The following ABCA13 variants were observed in gnomAD, a reference collection of about 807,000 sequenced individuals.
The protein encoded by ABCA13 is ATP-binding cassette sub-family A member 13.
Under a neutral mutation model 478.7 loss-of-function variants are expected in ABCA13, and 476 were observed. The ratio of observed to expected loss-of-function variants is 0.99; its 90% CI spans 0.92 to 1.07. The LOEUF (loss-of-function observed/expected upper bound fraction) is 1.07, where lower values mean the gene tolerates loss of function less well. Among genes scored for constraint, ABCA13 ranks in the 50% least tolerant of loss-of-function variants. The pLI, the probability that ABCA13 is intolerant of heterozygous loss-of-function variation, is 0.00. For missense variants in ABCA13, 6,060 were observed against 5,910.6 expected, an observed-to-expected ratio of 1.03 and a Z score of -0.83; for synonymous variants, 2,252 against 2,158.9, an observed-to-expected ratio of 1.04 and a Z score of -1.20.
chr7:48,271,749 T>A (rs992676770), intron 16 of ABCA13, 38 bp from the exon 17 acceptor site: 7 of 1,172,360 alleles, frequency 6.0e-6, no homozygotes, highest in Non-Finnish European at 6.6e-6. Context: ...AAATTTATTT[T>A]TTTATTTTAT....
At chr7:48,504,575 G>C (rs1240758987) in intron 48 of ABCA13, among the ~76,000 whole-genome samples, 1 of 152,116 alleles carries the variant, frequency 6.6e-6, no homozygotes, top group African/African-American at 2.4e-5. Flanking sequence ...AACAATTTCA[G>C]TATTCTACTG....
chr7:48,220,935 T>C (rs1281531672), intron 4 of ABCA13, among the ~76,000 whole-genome samples: 1 of 152,154 alleles, frequency 6.6e-6, no homozygotes, highest in Non-Finnish European at 1.5e-5. Context: ...CATTTTTTTC[T>C]TTTTAAAAAA....
At chr7:48,319,871 C>T (rs76475588) in intron 27 of ABCA13, among the ~76,000 whole-genome samples, 6,566 of 152,140 alleles carry the variant, frequency 0.043, 401 homozygotes, top group African/African-American at 0.14. Flanking sequence ...ATCTGGGAGA[C>T]GGCTCTTCAT....
chr7:48,442,135 C>T (rs111354771), intron 42 of ABCA13, among the ~76,000 whole-genome samples: 61 of 152,190 alleles, frequency 4.0e-4, no homozygotes, highest in Non-Finnish European at 8.1e-4. Context: ...TGTCCCATCC[C>T]ACTGCCGAGC....
chr7:48,176,364 A>T (rs1794876278), intron 1 of ABCA13, among the ~76,000 whole-genome samples: 1 of 152,174 alleles, frequency 6.6e-6, no homozygotes, highest in Admixed American at 6.5e-5. Flanking sequence ...TTCTCTCCCA[A>T]CCATGGGCTG....
rs1038357239 is a variant in ABCA13, at chr7:48,283,230, T to C, written c.8836+1778T>C. On this transcript the variant is annotated intron_variant, in intron 19 of 61. Coordinates refer to ENST00000435803, the MANE Select transcript of ABCA13 (RefSeq NM_152701.5). ...TGGCTAATTGGTGGGTGTGGGCCACTGAGTCTGTGAGCCAGGAGTATGGAC... is the reference window on the plus strand; with the variant it reads ...TGGCTAATTGGTGGGTGTGGGCCACCGAGTCTGTGAGCCAGGAGTATGGAC... Among the ~76,000 whole-genome samples, 8 of 152,180 alleles carry C rather than the reference T, an allele frequency of 5.3e-5. 1 individual carries two copies. The highest frequency in any genetic ancestry group is 4.6e-4 in the Admixed American group (7 of 15,292).
Position 48,615,378 on chromosome 7 carries a change from G to T in ABCA13, c.14837+1G>T. 6.4e-7 allele frequency: 1 copy of T among 1,558,940 alleles called. No individual in the cohort carries two copies. The highest frequency in any genetic ancestry group is 1.4e-5 in the African/African-American group (1 of 73,762). ...GTTCTCCTCAGCACATCAAAAATAG[G>T]TGCGTTGAAGTTCTCCTTTTGCTTA... On this transcript the variant is annotated splice_donor_variant, in intron 59 of 61. Coordinates refer to ENST00000435803, the MANE Select transcript of ABCA13 (RefSeq NM_152701.5). LOFTEE classifies it high-confidence loss of function.
At chr7:48,468,785 G>T (rs1396081852) in intron 44 of ABCA13, among the ~76,000 whole-genome samples, 3 of 152,152 alleles carry the variant, frequency 2.0e-5, no homozygotes, top group Non-Finnish European at 4.4e-5. Context: ...GAGATACTCA[G>T]CTCTGAGTGT....
intron 55 of ABCA13, 90 bp from the exon 56 acceptor site, chr7:48,580,134 G>A (rs1788570166): frequency 7.6e-7 from 1 of 1,320,258 alleles, no homozygotes; most frequent in East Asian, 2.5e-5. Flanking sequence ...AAACTGCAGT[G>A]GACTTGTTAT....
intron 31 of ABCA13, 76 bp from the exon 32 acceptor site, chr7:48,367,718 C>A: frequency 1.7e-6 from 2 of 1,175,412 alleles, no homozygotes; most frequent in Non-Finnish European, 2.5e-6. Flanking sequence ...AGCTTTCTAA[C>A]TTGGAAGAAA....
chr7:48,525,189 G>A (rs559201123), intron 54 of ABCA13, among the ~76,000 whole-genome samples: 1 of 152,074 alleles, frequency 6.6e-6, no homozygotes, highest in South Asian at 2.1e-4. Context: ...AGTAATGCAG[G>A]CATATTCTTA....
rs79058426 is a variant in ABCA13, at chr7:48,641,715, C to T, written c.14838-1573C>T. Among the ~76,000 whole-genome samples the T allele has an allele frequency of 8.5e-5, 13 of 152,262 alleles. No homozygotes were observed. The East Asian group carries it at 2.5e-3, about 30-fold the overall frequency. ...CTGCCCTGGAACATAATGTTATGCC[C>T]AGACACAGCTGAGAGCTCTCCCAGG... is the stretch of plus-strand genomic sequence containing the variant. On this transcript the variant is annotated intron_variant, in intron 59 of 61. Transcript: ENST00000435803.
chr7:48,472,694 C>G (rs915219116), intron 45 of ABCA13, among the ~76,000 whole-genome samples: 5 of 152,088 alleles, frequency 3.3e-5, no homozygotes, highest in Admixed American at 3.3e-4. Context: ...AAAAAGCTAG[C>G]AGGGAAGGGT....
At chr7:48,312,379 G>A (rs1801906455) in intron 24 of ABCA13, among the ~76,000 whole-genome samples, 1 of 152,054 alleles carries the variant, frequency 6.6e-6, no homozygotes, top group South Asian at 2.1e-4. Flanking sequence ...GCTATTTTAT[G>A]CCCAGTAGCT....
chr7:48,299,304 T>C (rs1799824538), intron 23 of ABCA13, among the ~76,000 whole-genome samples: 1 of 152,174 alleles, frequency 6.6e-6, no homozygotes, highest in Admixed American at 6.5e-5. Context: ...CAATTCTGGT[T>C]AATTGGGGCT....
At chr7:48,486,478 AT>A (rs1415753592) in intron 47 of ABCA13, among the ~76,000 whole-genome samples, 5 of 151,926 alleles carry the variant, frequency 3.3e-5, no homozygotes, top group African/African-American at 7.2e-5. Context: ...GTTTTTTATT[AT>A]TTTTCCCCAG....
At chr7:48,313,495 G>C (rs998882064) in intron 25 of ABCA13, among the ~76,000 whole-genome samples, 6 of 152,198 alleles carry the variant, frequency 3.9e-5, no homozygotes, top group African/African-American at 1.4e-4. Context: ...TATCTATAAA[G>C]TAAGAAATTA....
chr7:48,444,342 A>G (rs922622372), intron 42 of ABCA13, among the ~76,000 whole-genome samples: 1 of 152,044 alleles, frequency 6.6e-6, no homozygotes, highest in African/African-American at 2.4e-5. Flanking sequence ...CTCTCACTTG[A>G]GCCTCGGTCA....
intron 51 of ABCA13, among the ~76,000 whole-genome samples, chr7:48,515,333 G>GTGTA (rs1160169642): frequency 6.6e-6 from 1 of 152,234 alleles, no homozygotes; most frequent in Non-Finnish European, 1.5e-5. Context: ...ATCGTTCAAA[G>GTGTA]TGTACTTCCT....
Sources: allele counts gnomAD v4.1 joint callset (sites outside exome capture counted in the v4.1 genomes callset), GRCh38; gene constraint gnomAD v4.1.1; transcripts MANE v1.5; gene names NCBI Gene and HGNC (gene_info 2026-07-23, HGNC 2026-07-21).